FHOD3: variants seen among roughly 807,000 people sequenced by gnomAD.
FHOD3 encodes formin homology 2 domain containing 3.
Under a neutral mutation model 173.0 loss-of-function variants are expected in FHOD3, and 90 were observed. That is an observed-to-expected ratio of 0.52 (90% CI 0.44 to 0.62). The LOEUF (loss-of-function observed/expected upper bound fraction) is 0.62, where lower values mean the gene tolerates loss of function less well. FHOD3 is among the 20% of genes least tolerant of loss of function. FHOD3 has a pLI of 0.00. For synonymous variants in FHOD3, 828 were observed against 823.0 expected, an observed-to-expected ratio of 1.01 and a Z score of -0.10; for missense variants, 1,945 against 2,034.7, an observed-to-expected ratio of 0.96 and a Z score of 0.85.
intron 1 of FHOD3, among the ~76,000 whole-genome samples, chr18:36,329,384 G>A (rs1020034275): frequency 3.2e-4 from 48 of 152,176 alleles, no homozygotes; most frequent in Non-Finnish European, 8.8e-5. Context: ...CTGTCCTGGT[G>A]TTCATGGCTC....
At chr18:36,688,671 C>T (rs77468747) in intron 16 of FHOD3, among the ~76,000 whole-genome samples, 3,705 of 152,210 alleles carry the variant, frequency 0.024, 159 homozygotes, top group African/African-American at 0.085. Context: ...TTTTAGTTCT[C>T]CCCCCAGATT....
At chr18:36,713,120 G>A (rs7231365) in intron 18 of FHOD3, among the ~76,000 whole-genome samples, 32,172 of 152,074 alleles carry the variant, frequency 0.21, 3,969 homozygotes, top group African/African-American at 0.34. Context: ...AATTACTACC[G>A]GAGGTTCTCC....
intron 27 of FHOD3, among the ~76,000 whole-genome samples, chr18:36,767,895 G>C (rs892867599): frequency 6.6e-6 from 1 of 151,942 alleles, no homozygotes; most frequent in African/African-American, 2.4e-5. Context: ...CATTTCCATT[G>C]ATATCTATTT....
At chr18:36,488,892 A>G (rs184886498) in intron 3 of FHOD3, among the ~76,000 whole-genome samples, 11 of 152,300 alleles carry the variant, frequency 7.2e-5, no homozygotes, top group Admixed American at 2.6e-4. Flanking sequence ...AGCTGGTGCC[A>G]TAGATGAAGT....
chr18:36,564,237 G>A (rs964023711), intron 5 of FHOD3, among the ~76,000 whole-genome samples: 1 of 152,178 alleles, frequency 6.6e-6, no homozygotes, highest in Admixed American at 6.5e-5. Flanking sequence ...TATTTCATTG[G>A]ATGTAAGTCT....
intron 5 of FHOD3, among the ~76,000 whole-genome samples, chr18:36,557,808 TG>T (rs1371436617): frequency 1.6e-4 from 24 of 152,318 alleles, no homozygotes; most frequent in Admixed American, 4.6e-4. Context: ...CTGATATTTT[TG>T]TATTCTTTAT....
intron 3 of FHOD3, among the ~76,000 whole-genome samples, chr18:36,377,593 G>A (rs1284702002): frequency 6.6e-6 from 1 of 152,222 alleles, no homozygotes; most frequent in Non-Finnish European, 1.5e-5. Flanking sequence ...TAGTAAAGAT[G>A]AGGCCCATGG....
intron 8 of FHOD3, among the ~76,000 whole-genome samples, chr18:36,603,123 A>G (rs2031616466): frequency 6.6e-6 from 1 of 152,180 alleles, no homozygotes; most frequent in African/African-American, 2.4e-5. Flanking sequence ...TGACACCTTA[A>G]TATCAGACTT....
Position 36,780,141 on chromosome 18 carries a change from G to A in FHOD3, c.*611G>A. ...CTTCAGAATGGCAAAACTCTTCTCA[G>A]TGTCCTCAGAAGCACCCTCGCTTGG... On this transcript the variant is annotated 3_prime_UTR_variant, in exon 29 of 29. Transcript: ENST00000590592. 8.1e-7 allele frequency: 1 copy of A among 1,232,086 alleles called. No homozygotes were observed. Among genetic ancestry groups the A allele is most frequent in the Non-Finnish European group, 1.0e-6 (1 of 988,082 alleles). The allele number at this position is 1,232,086 out of a possible 1,614,324, so 76.3% of individuals were successfully genotyped here.
intron 5 of FHOD3, among the ~76,000 whole-genome samples, chr18:36,517,199 T>A (rs190660802): frequency 6.6e-6 from 1 of 152,324 alleles, no homozygotes; most frequent in East Asian, 1.9e-4. Context: ...CTAAAGTTTT[T>A]TTGGGATAGC....
At chr18:36,556,265 C>T (rs938667593) in intron 5 of FHOD3, among the ~76,000 whole-genome samples, 2 of 151,898 alleles carry the variant, frequency 1.3e-5, no homozygotes, top group African/African-American at 4.8e-5. Context: ...ATGTGTGGTC[C>T]ACTTATATAT....
chr18:36,700,204 C>T (rs576662012), intron 17 of FHOD3, among the ~76,000 whole-genome samples: 2 of 152,178 alleles, frequency 1.3e-5, no homozygotes, highest in East Asian at 3.9e-4. Context: ...CTCCCATATG[C>T]CTTGAATCCC....
intron 2 of FHOD3, among the ~76,000 whole-genome samples, chr18:36,369,506 T>TATATAG (rs1198304317): frequency 6.2e-5 from 8 of 128,254 alleles, no homozygotes; most frequent in South Asian, 2.6e-4. Context: ...CACATATATA[T>TATATAG]AGAGAGAGAG....
intron 1 of FHOD3, among the ~76,000 whole-genome samples, chr18:36,341,374 G>A (rs2045610352): frequency 6.6e-6 from 1 of 152,184 alleles, no homozygotes; most frequent in African/African-American, 2.4e-5. Context: ...ACATTTGTTT[G>A]AAGGCTCTGG....
At chr18:36,767,590 G>C (rs1038874143) in intron 27 of FHOD3, among the ~76,000 whole-genome samples, 2 of 152,160 alleles carry the variant, frequency 1.3e-5, no homozygotes, top group African/African-American at 4.8e-5. Flanking sequence ...AAAGTGCTGG[G>C]ATTACAGACG....
intron 6 of FHOD3, among the ~76,000 whole-genome samples, chr18:36,579,033 G>T (rs982577570): frequency 6.6e-6 from 1 of 152,206 alleles, no homozygotes; most frequent in Admixed American, 6.5e-5. Context: ...TGGACACTGA[G>T]TGAAATGCTG....
chr18:36,701,382 T>C lies in FHOD3; in HGVS notation c.2237-7713T>C, dbSNP rs536090556. Among the ~76,000 whole-genome samples, 15 of 152,348 alleles carry C rather than the reference T, an allele frequency of 9.8e-5. No individual in the cohort carries two copies. In the South Asian group the frequency reaches 3.1e-3, roughly 32 times the overall value. On this transcript the variant is annotated intron_variant, in intron 17 of 28. Transcript: ENST00000590592. The stretch of plus-strand genomic sequence containing the variant: ...TCTAATAGAATAGTCACCCTATATG[T>C]TATCAATATGAGAATAATTGAACCT...
intron 5 of FHOD3, among the ~76,000 whole-genome samples, chr18:36,545,951 A>G (rs12968765): frequency 0.43 from 65,654 of 152,126 alleles, 14,521 homozygotes; most frequent in Non-Finnish European, 0.49. Context: ...GTAAGGAGTT[A>G]CCTTGGAAAC....
At chr18:36,740,868 C>A in intron 21 of FHOD3, 30 bp downstream of exon 21, 2 of 1,589,362 alleles carry the variant, frequency 1.3e-6, no homozygotes, top group Non-Finnish European at 1.7e-6. Context: ...GGCCGCTGAT[C>A]CCACATCCAC....
Sources: gnomAD v4.1 joint callset for allele counts (sites outside exome capture counted in the v4.1 genomes callset) on GRCh38, gnomAD v4.1.1 for gene constraint, MANE v1.5 for transcripts, NCBI Gene and HGNC (gene_info 2026-07-23, HGNC 2026-07-21) for gene names.